The following TRPS1 variants were observed in gnomAD, a reference collection of about 807,000 sequenced individuals.
TRPS1 encodes the protein zinc finger transcription factor Trps1.
Under a neutral mutation model 101.2 loss-of-function variants are expected in TRPS1, and 6 were observed. The observed-to-expected ratio is 0.06, with a 90% CI of 0.03 to 0.12. The LOEUF (loss-of-function observed/expected upper bound fraction) is 0.12, where lower values mean the gene tolerates loss of function less well. TRPS1 is among the 10% of genes least tolerant of loss of function. The pLI is 1.00. For synonymous variants in TRPS1, 578 were observed against 589.8 expected (o/e 0.98, Z 0.29); for missense variants, 1,363 against 1,567.0 (o/e 0.87, Z 2.20).
At chr8:115,520,665 T>C (rs1349354677) in intron 5 of TRPS1, among the ~76,000 whole-genome samples, 2 of 151,874 alleles carry the variant, frequency 1.3e-5, no homozygotes, top group Non-Finnish European at 1.5e-5. Flanking sequence ...CACAAAAGGA[T>C]TATTTAATTA....
At chr8:115,443,668 G>A (rs1813663102) in intron 5 of TRPS1, among the ~76,000 whole-genome samples, 5 of 152,178 alleles carry the variant, frequency 3.3e-5, no homozygotes, top group Admixed American at 1.3e-4. Flanking sequence ...GTCTTCATCT[G>A]TATAAGCATA....
intron 5 of TRPS1, among the ~76,000 whole-genome samples, chr8:115,503,088 C>A (rs1008659280): frequency 6.6e-6 from 1 of 151,648 alleles, no homozygotes; most frequent in Non-Finnish European, 1.5e-5. Flanking sequence ...ACGATGAAAC[C>A]CCACTTCTAC....
At chr8:115,544,267 T>C (rs1816521006) in intron 5 of TRPS1, among the ~76,000 whole-genome samples, 1 of 151,416 alleles carries the variant, frequency 6.6e-6, no homozygotes, top group Non-Finnish European at 1.5e-5. Context: ...ATTTGCCTTA[T>C]CAGGGAAATG....
intron 5 of TRPS1, among the ~76,000 whole-genome samples, chr8:115,446,371 C>T (rs1334146252): frequency 2.6e-5 from 4 of 151,524 alleles, no homozygotes; most frequent in Non-Finnish European, 5.9e-5. Context: ...GTTTCTTCCC[C>T]TGATCTCACA....
rs1812969974 is a variant in TRPS1, at chr8:115,418,313, G to C, written c.2823+17C>G. 1 of 1,614,114 alleles carries C rather than the reference G, an allele frequency of 6.2e-7. No individual in the cohort carries two copies. Reference sequence around the variant, plus strand: ...GCTTTATAAAGCTTTTCCTGAAAGAGTGGAACAAGTTCTTACCGAGTGAAG... The same window carrying C: ...GCTTTATAAAGCTTTTCCTGAAAGACTGGAACAAGTTCTTACCGAGTGAAG... On this transcript the variant is annotated intron_variant, in intron 6 of 6. Coordinates refer to ENST00000395715, the MANE Select transcript of TRPS1 (RefSeq NM_014112.5). This position sits in a 1 kb window ranked among gnomAD's most constrained non-coding sequence, Gnocchi z 4.3.
intron 3 of TRPS1, among the ~76,000 whole-genome samples, chr8:115,617,303 CA>C (rs1395765520): frequency 6.6e-6 from 1 of 152,200 alleles, no homozygotes; most frequent in Non-Finnish European, 1.5e-5. Flanking sequence ...AGTCTAGGAT[CA>C]GCTGTTTTAT....
chr8:115,534,520 C>T (rs1216153274), intron 5 of TRPS1, among the ~76,000 whole-genome samples: 1 of 152,252 alleles, frequency 6.6e-6, no homozygotes, highest in Non-Finnish European at 1.5e-5. Flanking sequence ...GAGGTTGAAG[C>T]TCTAACCCCC....
intron 2 of TRPS1, among the ~76,000 whole-genome samples, chr8:115,621,928 C>A (rs1249316387): frequency 2.7e-5 from 4 of 148,794 alleles, no homozygotes; most frequent in Non-Finnish European, 4.4e-5. Context: ...AAAAAAAAAA[C>A]AAAAGCAAAA....
intron 1 of TRPS1, among the ~76,000 whole-genome samples, chr8:115,666,408 G>C (rs889385364): frequency 7.5e-5 from 11 of 147,002 alleles, no homozygotes; most frequent in Non-Finnish European, 1.5e-4. Flanking sequence ...GGCATACTTG[G>C]GGAAAGAAAA....
At chr8:115,564,730 A>T (rs979787819) in intron 5 of TRPS1, among the ~76,000 whole-genome samples, 6 of 151,936 alleles carry the variant, frequency 3.9e-5, no homozygotes, top group African/African-American at 1.4e-4. Flanking sequence ...ATTTCTGTCC[A>T]CTCCTGTAGC....
chr8:115,596,099 T>C (rs941573561), intron 4 of TRPS1, among the ~76,000 whole-genome samples: 3 of 151,970 alleles, frequency 2.0e-5, no homozygotes, highest in African/African-American at 7.2e-5. Context: ...ATGTCAACTC[T>C]TTCAGTCTGA....
At chr8:115,449,808 T>C (rs1813822665) in intron 5 of TRPS1, among the ~76,000 whole-genome samples, 1 of 152,166 alleles carries the variant, frequency 6.6e-6, no homozygotes, top group Non-Finnish European at 1.5e-5. Flanking sequence ...ATGGCATACA[T>C]AATTAATGCT....
chr8:115,602,158 T>C (rs928493544), intron 4 of TRPS1, among the ~76,000 whole-genome samples: 3 of 152,098 alleles, frequency 2.0e-5, no homozygotes, highest in Non-Finnish European at 4.4e-5. Flanking sequence ...CGTGTGTGTG[T>C]GTGTGCGCAC....
chr8:115,615,916 T>C (rs929140154), intron 3 of TRPS1, among the ~76,000 whole-genome samples: 3 of 152,230 alleles, frequency 2.0e-5, no homozygotes, highest in African/African-American at 7.2e-5. Flanking sequence ...GCATCTATGA[T>C]TTTTACAAAT....
chr8:115,447,060 A>G (rs1813755411), intron 5 of TRPS1, among the ~76,000 whole-genome samples: 1 of 152,188 alleles, frequency 6.6e-6, no homozygotes, highest in African/African-American at 2.4e-5. Context: ...CACTATAGTT[A>G]TAAGTTCCAG....
chr8:115,631,519 T>A (rs1818640703), intron 1 of TRPS1, among the ~76,000 whole-genome samples: 1 of 152,014 alleles, frequency 6.6e-6, no homozygotes, highest in Admixed American at 6.6e-5. Context: ...GAATAAAGTA[T>A]AATAGCATAT....
At chr8:115,649,940 A>C (rs1260450698) in intron 1 of TRPS1, among the ~76,000 whole-genome samples, 1 of 152,214 alleles carries the variant, frequency 6.6e-6, no homozygotes, top group Non-Finnish European at 1.5e-5. Flanking sequence ...CAGTCTGATA[A>C]GGAACATTTT....
chr8:115,413,883 T>C lies in TRPS1; in HGVS notation c.*140A>G. 1.2e-6 allele frequency: 1 copy of C among 824,256 alleles called. No individual in the cohort carries two copies. Among genetic ancestry groups the C allele is most frequent in the East Asian group, 2.7e-5 (1 of 36,972 alleles). The allele number at this position is 824,256 out of a possible 1,614,324, so 51.1% of individuals were successfully genotyped here. ...GTAACCTACTCATCAAAAGAAAGAA[T>C]AACAAAAGAAGGGAATTTCATGTTG... is the stretch of plus-strand genomic sequence containing the variant. On this transcript the variant is annotated 3_prime_UTR_variant, in exon 7 of 7. Transcript: ENST00000395715.
intron 3 of TRPS1, among the ~76,000 whole-genome samples, chr8:115,609,227 A>C (rs1041255666): frequency 6.6e-6 from 1 of 152,214 alleles, no homozygotes; most frequent in Admixed American, 6.5e-5. Flanking sequence ...AGGTAGGATT[A>C]TTATTTAATA....
Sources: gnomAD v4.1 joint callset for allele counts (sites outside exome capture counted in the v4.1 genomes callset) on GRCh38, gnomAD v4.1.1 for gene constraint, Gnocchi (gnomAD v3.1) non-coding constraint, MANE v1.5 for transcripts, NCBI Gene and HGNC (gene_info 2026-07-23, HGNC 2026-07-21) for gene names.